The following SERPINI1 variants were observed in gnomAD, a reference collection of about 807,000 sequenced individuals.
SERPINI1 encodes serpin family I member 1, also known as neuroserpin.
Under a neutral mutation model 41.1 loss-of-function variants are expected in SERPINI1, and 19 were observed. The ratio of observed to expected loss-of-function variants is 0.46; its 90% CI spans 0.32 to 0.68. The LOEUF is 0.68. Among genes scored for constraint, SERPINI1 ranks in the 30% least tolerant of loss-of-function variants. SERPINI1 has a pLI of 0.03. For missense variants in SERPINI1, 460 were observed against 479.2 expected, an observed-to-expected ratio of 0.96 and a Z score of 0.37; for synonymous variants, 138 against 156.6, an observed-to-expected ratio of 0.88 and a Z score of 0.89.
intron 1 of SERPINI1, among the ~76,000 whole-genome samples, chr3:167,775,857 C>T (rs188638440): frequency 6.6e-6 from 1 of 152,100 alleles, no homozygotes; most frequent in Non-Finnish European, 1.5e-5. Flanking sequence ...ATATGTAAGT[C>T]CTTAGCTCAT....
intron 4 of SERPINI1, 144 bp downstream of exon 4, chr3:167,792,928 C>T: frequency 1.5e-6 from 1 of 686,662 alleles, no homozygotes. Flanking sequence ...TAAAAACCCT[C>T]TAATTAGTTT....
At chr3:167,765,078 G>T (rs1726515011) in intron 1 of SERPINI1, among the ~76,000 whole-genome samples, 1 of 152,188 alleles carries the variant, frequency 6.6e-6, no homozygotes, top group Non-Finnish European at 1.5e-5. Context: ...CAGGCACACA[G>T]TGCAAGCTAT....
At chr3:167,764,687 A>C in intron 1 of SERPINI1, among the ~76,000 whole-genome samples, 1 of 152,216 alleles carries the variant, frequency 6.6e-6, no homozygotes, top group South Asian at 2.1e-4. Flanking sequence ...TTTCAGCATT[A>C]ACTCCAAAGT....
chr3:167,756,556 C>T (rs569281771), intron 1 of SERPINI1, among the ~76,000 whole-genome samples: 3 of 152,292 alleles, frequency 2.0e-5, no homozygotes, highest in Non-Finnish European at 4.4e-5. Context: ...GTGATCCACC[C>T]ACCTCAGCCT....
chr3:167,794,908 GCTTTCGAATTATAATT>G, intron 5 of SERPINI1, 84 bp downstream of exon 5: 1 of 1,021,504 alleles, frequency 9.8e-7, no homozygotes, highest in South Asian at 1.3e-5. Context: ...TCTTCGAACT[GCTTTCGAATTATAATT>G]CTTGTGCCAC....
At chr3:167,771,090 A>C (rs571122270) in intron 1 of SERPINI1, among the ~76,000 whole-genome samples, 1 of 152,358 alleles carries the variant, frequency 6.6e-6, no homozygotes, top group South Asian at 2.1e-4. Context: ...TTAATAATAT[A>C]ACCTCTGTAG....
intron 3 of SERPINI1, among the ~76,000 whole-genome samples, 176 bp from the exon 4 acceptor site, chr3:167,792,414 A>T (rs13080325): frequency 6.6e-6 from 1 of 151,164 alleles, no homozygotes; most frequent in Non-Finnish European, 1.5e-5. Context: ...GTGTGTGTGT[A>T]TGTGTGTGTG....
chr3:167,786,384 T>C (rs1034773353), intron 1 of SERPINI1, among the ~76,000 whole-genome samples: 22 of 151,652 alleles, frequency 1.5e-4, no homozygotes, highest in African/African-American at 5.3e-4. Context: ...GGCAGGCGCC[T>C]GTAGTCCCAG....
intron 1 of SERPINI1, among the ~76,000 whole-genome samples, chr3:167,772,434 G>A (rs1481418086): frequency 2.0e-5 from 3 of 152,076 alleles, no homozygotes; most frequent in African/African-American, 7.2e-5. Flanking sequence ...AGCCCGCCTT[G>A]CACTTACCTC....
chr3:167,751,555 T>TAAGC (rs1163337929), intron 1 of SERPINI1, among the ~76,000 whole-genome samples: 1 of 152,136 alleles, frequency 6.6e-6, no homozygotes, highest in Non-Finnish European at 1.5e-5. Context: ...AGATTTTTCT[T>TAAGC]AAGCCAGATG....
intron 1 of SERPINI1, among the ~76,000 whole-genome samples, chr3:167,748,186 AAC>A (rs1483728443): frequency 1.3e-5 from 2 of 152,192 alleles, no homozygotes; most frequent in African/African-American, 4.8e-5. Flanking sequence ...CCATTAGTGA[AAC>A]ACAAAATCCA....
intron 3 of SERPINI1, among the ~76,000 whole-genome samples, chr3:167,792,211 G>T (rs1727544553): frequency 6.6e-6 from 1 of 152,040 alleles, no homozygotes; most frequent in Non-Finnish European, 1.5e-5. Flanking sequence ...ATGCATCATT[G>T]CAACTAGAAA....
At position 167,794,743 on chromosome 3, in the gene SERPINI1, T is replaced by C. The variant is rs1727656927; in HGVS notation, c.800T>C (p.Leu267Pro). The C allele has an allele frequency of 6.2e-7, 1 of 1,613,732 alleles. No individual in the cohort carries two copies. Among genetic ancestry groups the C allele is most frequent in the African/African-American group, 1.3e-5 (1 of 75,006 alleles). ...AGACAGGAAGTTCCTCTTGCTACTC[T>C]GGAGCCATTAGTCAAAGCACAGCTG... Reference protein sequence around the residue: ...LSRQEVPLATLEPLVKAQLVE... With the variant: ...LSRQEVPLATPEPLVKAQLVE... The change falls in exon 5 of 9, where the codon CTG (leucine) becomes CCG (proline). Residue 267 changes from leucine to proline, a missense_variant. Physicochemically the swap from Leu to Pro is moderately conservative, Grantham distance 98 (BLOSUM62 -3). Transcript: ENST00000446050.
intron 1 of SERPINI1, among the ~76,000 whole-genome samples, chr3:167,785,486 C>T (rs554518945): frequency 6.6e-6 from 1 of 152,050 alleles, no homozygotes; most frequent in South Asian, 2.1e-4. Context: ...TAGGTAAAAC[C>T]CTGTAAAGAT....
intron 6 of SERPINI1, among the ~76,000 whole-genome samples, chr3:167,809,168 A>G (rs1051775196): frequency 3.3e-5 from 5 of 152,186 alleles, no homozygotes; most frequent in African/African-American, 7.2e-5. Flanking sequence ...TAGGACTGGT[A>G]GAGATTCAAA....
intron 1 of SERPINI1, among the ~76,000 whole-genome samples, chr3:167,787,209 C>G (rs1727344559): frequency 6.6e-6 from 1 of 152,180 alleles, no homozygotes; most frequent in Non-Finnish European, 1.5e-5. Flanking sequence ...GAGCTGTCAT[C>G]TCCTGTGATA....
intron 4 of SERPINI1, 142 bp downstream of exon 4, chr3:167,792,926 C>T: frequency 1.4e-6 from 1 of 691,228 alleles, no homozygotes; most frequent in East Asian, 2.7e-5. Flanking sequence ...TTTAAAAACC[C>T]TCTAATTAGT....
intron 1 of SERPINI1, among the ~76,000 whole-genome samples, chr3:167,781,741 A>G (rs1263235234): frequency 6.7e-6 from 1 of 149,802 alleles, no homozygotes; most frequent in Non-Finnish European, 1.5e-5. Flanking sequence ...CAATTATGAA[A>G]CCATTTTTTA....
At chr3:167,782,962 G>T (rs1036325329) in intron 1 of SERPINI1, among the ~76,000 whole-genome samples, 1 of 152,164 alleles carries the variant, frequency 6.6e-6, no homozygotes, top group African/African-American at 2.4e-5. Context: ...GTTGTGCTGC[G>T]TCACAGTACA....
Sources: gnomAD v4.1 joint callset for allele counts (sites outside exome capture counted in the v4.1 genomes callset) on GRCh38, gnomAD v4.1.1 for gene constraint, MANE v1.5 for transcripts, NCBI Gene and HGNC (gene_info 2026-07-23, HGNC 2026-07-21) for gene names.